INSYN2B: variants seen among roughly 807,000 people sequenced by gnomAD.
The protein encoded by INSYN2B is inhibitory synaptic factor family member 2B.
A neutral mutation model predicts 41.2 loss-of-function variants in INSYN2B; 16 were observed. The observed-to-expected ratio is 0.39, with a 90% CI of 0.26 to 0.59. The LOEUF (loss-of-function observed/expected upper bound fraction) is 0.59, where lower values mean the gene tolerates loss of function less well. Ranked by LOEUF, INSYN2B falls within the 20% of genes least tolerant of loss-of-function variation. The probability of loss-of-function intolerance (pLI) is 0.57; values close to 1 mark genes in which losing one functional copy is unlikely to be tolerated. For missense variants in INSYN2B, 608 were observed against 646.4 expected (o/e 0.94, Z 0.64); for synonymous variants, 245 against 244.4 (o/e 1.00, Z -0.02).
At chr5:169,902,881 C>CCT (rs1774008659) in intron 1 of INSYN2B, among the ~76,000 whole-genome samples, 1 of 152,108 alleles carries the variant, frequency 6.6e-6, no homozygotes, top group African/African-American at 2.4e-5. Context: ...AGGCGGATCA[C>CCT]AAGGTCAAGA....
chr5:169,951,355 T>A (rs1377510433), intron 1 of INSYN2B, among the ~76,000 whole-genome samples: 1 of 152,208 alleles, frequency 6.6e-6, no homozygotes, highest in Non-Finnish European at 1.5e-5. Context: ...AGAGGATTCT[T>A]AATGCTTCCA....
intron 1 of INSYN2B, among the ~76,000 whole-genome samples, chr5:169,925,202 C>T (rs1302121194): frequency 6.6e-6 from 1 of 152,142 alleles, no homozygotes; most frequent in Non-Finnish European, 1.5e-5. Context: ...AGGACTAGTT[C>T]AGTCAGGCAG....
intron 1 of INSYN2B, among the ~76,000 whole-genome samples, chr5:169,950,346 C>T (rs1482491874): frequency 6.6e-6 from 1 of 152,212 alleles, no homozygotes; most frequent in Non-Finnish European, 1.5e-5. Flanking sequence ...ATATGCAAAG[C>T]GCTTAGTGTC....
intron 1 of INSYN2B, among the ~76,000 whole-genome samples, chr5:169,915,471 A>T (rs529257818): frequency 6.6e-6 from 1 of 152,052 alleles, no homozygotes; most frequent in Non-Finnish European, 1.5e-5. Context: ...TGTAACTAAT[A>T]TATTGAATCT....
intron 1 of INSYN2B, among the ~76,000 whole-genome samples, chr5:169,939,314 C>A (rs1776135051): frequency 6.6e-6 from 1 of 152,042 alleles, no homozygotes; most frequent in South Asian, 2.1e-4. Flanking sequence ...CTGTCTTCCA[C>A]CTCCACATCT....
Position 169,882,560 on chromosome 5 carries a change from T to C in INSYN2B, c.1339A>G (p.Thr447Ala). ...IQDLEKARAL[T>A]EGRNFYRTGQ... is the part of the protein sequence containing the mutation. ...AAAAAAAAATCTCCTTACCCTTCAG[T>C]GAGAGCTCGAGCTTTCTCCAAGTCT... Residue 447 changes from threonine to alanine, a missense_variant, in exon 2 of 4, where the codon ACT becomes GCT. Coordinates refer to ENST00000377365, the MANE Select transcript of INSYN2B (RefSeq NM_001129891.3). 1 of 1,544,746 alleles carries C rather than the reference T, an allele frequency of 6.5e-7. No individual in the cohort carries two copies. Among genetic ancestry groups the C allele is most frequent in the Non-Finnish European group, 8.8e-7 (1 of 1,141,320 alleles).
At chr5:169,885,534 G>A (rs1409217021) in intron 1 of INSYN2B, among the ~76,000 whole-genome samples, 4 of 152,130 alleles carry the variant, frequency 2.6e-5, no homozygotes, top group African/African-American at 9.7e-5. Flanking sequence ...ATTTCTTATT[G>A]CTTTTCAGGA....
chr5:169,901,312 G>T (rs1416448797), intron 1 of INSYN2B, among the ~76,000 whole-genome samples: 1 of 152,196 alleles, frequency 6.6e-6, no homozygotes, highest in Non-Finnish European at 1.5e-5. Context: ...GCAGGCCACA[G>T]TTGGTCTTGA....
chr5:169,921,405 AT>A (rs1210965985), intron 1 of INSYN2B, among the ~76,000 whole-genome samples: 1 of 152,196 alleles, frequency 6.6e-6, no homozygotes, highest in African/African-American at 2.4e-5. Context: ...ATGAGTCTAG[AT>A]TTTTGAGGAC....
At position 169,862,631 on chromosome 5, in the gene INSYN2B, G is replaced by T. The variant is rs11134593; in HGVS notation, c.*1642C>A. Among the ~76,000 whole-genome samples the T allele has an allele frequency of 6.6e-6, 1 of 151,988 alleles. No homozygotes were observed. Among genetic ancestry groups the T allele is most frequent in the Admixed American group, 6.6e-5 (1 of 15,258 alleles). ...TTATATATTCCGGTCTGATTCTGTGGGCTTAAACATTACACTAGAAACAGA... is the reference window on the plus strand; with the variant it reads ...TTATATATTCCGGTCTGATTCTGTGTGCTTAAACATTACACTAGAAACAGA... On this transcript the variant is annotated 3_prime_UTR_variant, in exon 4 of 4. Coordinates refer to ENST00000377365, the MANE Select transcript of INSYN2B (RefSeq NM_001129891.3).
chr5:169,882,422 A>G, intron 2 of INSYN2B, 131 bp downstream of exon 2: 1 of 733,120 alleles, frequency 1.4e-6, no homozygotes, highest in South Asian at 2.0e-5. Context: ...TGTGGTTATG[A>G]TTTGGAGAAA....
chr5:169,912,852 C>G (rs1407801347), intron 1 of INSYN2B, among the ~76,000 whole-genome samples: 3 of 149,326 alleles, frequency 2.0e-5, no homozygotes, highest in African/African-American at 7.4e-5. Flanking sequence ...TTTTTTTTTT[C>G]AATCAACTCA....
intron 1 of INSYN2B, among the ~76,000 whole-genome samples, chr5:169,920,016 C>T (rs1775083962): frequency 6.6e-6 from 1 of 152,138 alleles, no homozygotes; most frequent in African/African-American, 2.4e-5. Context: ...GAATATAGAA[C>T]CCAGCACTTT....
chr5:169,930,039 G>A (rs1221793321), intron 1 of INSYN2B, among the ~76,000 whole-genome samples: 1 of 152,102 alleles, frequency 6.6e-6, no homozygotes, highest in East Asian at 1.9e-4. Flanking sequence ...TCACCAGGCT[G>A]GAGTGCAGTG....
At chr5:169,889,572 C>T (rs1235411419) in intron 1 of INSYN2B, among the ~76,000 whole-genome samples, 1 of 152,226 alleles carries the variant, frequency 6.6e-6, no homozygotes, top group Non-Finnish European at 1.5e-5. Context: ...CCTTACATAA[C>T]AGGGTGCTTT....
At chr5:169,923,084 C>A (rs1300653359) in intron 1 of INSYN2B, among the ~76,000 whole-genome samples, 1 of 152,164 alleles carries the variant, frequency 6.6e-6, no homozygotes, top group Non-Finnish European at 1.5e-5. Context: ...AGAGCCACCA[C>A]CTCATGGAAC....
intron 1 of INSYN2B, among the ~76,000 whole-genome samples, chr5:169,937,414 T>C (rs977987313): frequency 2.0e-5 from 3 of 152,152 alleles, no homozygotes; most frequent in Admixed American, 2.0e-4. Context: ...AAGTGTAAAA[T>C]AGGGATGATA....
At position 169,882,857 on chromosome 5, in the gene INSYN2B, A is replaced by G. The variant is rs746974327; in HGVS notation, c.1042T>C (p.Ser348Pro). ...NLVSLKTNSA[S>P]KSAPGCQEQT... ...TCCTGACACCCAGGGGCAGATTTCGATGCACTGTTAGTTTTGAGTGACACC... is the reference window on the plus strand; with the variant it reads ...TCCTGACACCCAGGGGCAGATTTCGGTGCACTGTTAGTTTTGAGTGACACC... The change falls in exon 2 of 4, where the codon TCG becomes CCG. Residue 348 changes from serine to proline, a missense_variant. Physicochemically the swap from Ser to Pro is moderately conservative, Grantham distance 74. Transcript: ENST00000377365. The G allele has an allele frequency of 6.4e-7, 1 of 1,551,102 alleles. No individual in the cohort carries two copies. Among genetic ancestry groups the G allele is most frequent in the South Asian group, 1.2e-5 (1 of 84,030 alleles).
chr5:169,917,368 C>T (rs1041006987), intron 1 of INSYN2B, among the ~76,000 whole-genome samples: 4 of 152,126 alleles, frequency 2.6e-5, no homozygotes, highest in African/African-American at 9.7e-5. Flanking sequence ...CACCAGTAGC[C>T]CTCATTGCTT....
Sources: gnomAD v4.1 joint callset for allele counts (sites outside exome capture counted in the v4.1 genomes callset) on GRCh38, gnomAD v4.1.1 for gene constraint, MANE v1.5 for transcripts, NCBI Gene and HGNC (gene_info 2026-07-23, HGNC 2026-07-21) for gene names.